TACR3: variants seen among roughly 807,000 people sequenced by gnomAD.
TACR3 encodes tachykinin receptor 3, also known as neuromedin-K receptor.
Under a neutral mutation model 35.0 loss-of-function variants are expected in TACR3, and 34 were observed. The observed-to-expected ratio is 0.97, with a 90% CI of 0.74 to 1.30. TACR3 has a LOEUF of 1.30. Among genes scored for constraint, TACR3 ranks in the 50% most tolerant of loss-of-function variants. The probability of loss-of-function intolerance (pLI) is 0.00; values close to 1 mark genes in which losing one functional copy is unlikely to be tolerated. For missense variants in TACR3, 558 were observed against 591.7 expected, an observed-to-expected ratio of 0.94 and a Z score of 0.59; for synonymous variants, 233 against 221.1, an observed-to-expected ratio of 1.05 and a Z score of -0.48.
At chr4:103,659,223 T>C (rs1054075551) in intron 1 of TACR3, among the ~76,000 whole-genome samples, 6 of 152,212 alleles carry the variant, frequency 3.9e-5, no homozygotes, top group Non-Finnish European at 8.8e-5. Context: ...TACTGGTCCC[T>C]AACCCAGGGA....
In TACR3 at chr4:103,685,221, C is replaced by T. The variant is rs371650688; in HGVS notation, c.549-26818G>A. Among the ~76,000 whole-genome samples the T allele has an allele frequency of 9.9e-5, 15 of 151,764 alleles. No homozygotes were observed. In the East Asian group the frequency reaches 2.7e-3, roughly 28 times the overall value. Reference sequence around the variant, plus strand: ...AGAAACAGATGTACATAAACGTGGCCCACTGATTTTTGTCAATGGTATAAA... The same window carrying T: ...AGAAACAGATGTACATAAACGTGGCTCACTGATTTTTGTCAATGGTATAAA... On this transcript the variant is annotated intron_variant, in intron 1 of 4. Coordinates refer to ENST00000304883, the MANE Select transcript of TACR3 (RefSeq NM_001059.3).
At chr4:103,686,036 G>GT (rs1722225931) in intron 1 of TACR3, among the ~76,000 whole-genome samples, 2 of 152,116 alleles carry the variant, frequency 1.3e-5, no homozygotes, top group African/African-American at 4.8e-5. Context: ...ACAATCAGTG[G>GT]TTAAAACATA....
chr4:103,627,581 CAAG>C (rs1724926501), intron 3 of TACR3, among the ~76,000 whole-genome samples: 2 of 151,988 alleles, frequency 1.3e-5, no homozygotes, highest in South Asian at 4.2e-4. Flanking sequence ...ATCAATTCAT[CAAG>C]AAGAGCTAAC....
chr4:103,692,258 A>T (rs1442945842), intron 1 of TACR3, among the ~76,000 whole-genome samples: 1 of 152,208 alleles, frequency 6.6e-6, no homozygotes, highest in Non-Finnish European at 1.5e-5. Context: ...TAATCAGAAG[A>T]AAAGATTTGC....
chr4:103,676,584 C>G (rs1334873834), intron 1 of TACR3, among the ~76,000 whole-genome samples: 1 of 152,150 alleles, frequency 6.6e-6, no homozygotes, highest in Non-Finnish European at 1.5e-5. Flanking sequence ...ACTATCTGAT[C>G]TTAGACAAAC....
intron 3 of TACR3, among the ~76,000 whole-genome samples, chr4:103,648,787 T>C (rs1293168700): frequency 6.6e-6 from 1 of 152,130 alleles, no homozygotes; most frequent in African/African-American, 2.4e-5. Context: ...ATTTCCTTCC[T>C]TTTGGTTATG....
At chr4:103,688,629 C>G (rs2110215053) in intron 1 of TACR3, among the ~76,000 whole-genome samples, 1 of 150,416 alleles carries the variant, frequency 6.6e-6, no homozygotes, top group Middle Eastern at 3.4e-3. Context: ...ATTTATGCAG[C>G]CAAAAAACAC....
Position 103,656,250 on chromosome 4 carries a change from C to T in TACR3, c.832G>A (p.Glu278Lys), listed in dbSNP as rs770025393. 1.2e-6 allele frequency: 2 copies of T among 1,613,002 alleles called. No homozygotes were observed. Among genetic ancestry groups the T allele is most frequent in the Non-Finnish European group, 1.7e-6 (2 of 1,179,330 alleles). ...TIVGITLWGGEIPGDTCDKYH... is the reference protein window; with the variant it reads ...TIVGITLWGGKIPGDTCDKYH... ...TTGTCACAGGTATCTCCTGGGATTT[C>T]TCCTCCCCAGAGAGTAATTCCAACA... The change falls in exon 3 of 5, where the codon GAA becomes AAA. Residue 278 changes from glutamate to lysine, a missense_variant. Coordinates refer to ENST00000304883, the MANE Select transcript of TACR3 (RefSeq NM_001059.3).
chr4:103,688,585 G>A (rs1274978613), intron 1 of TACR3, among the ~76,000 whole-genome samples: 16 of 138,140 alleles, frequency 1.2e-4, no homozygotes, highest in East Asian at 6.2e-4. Flanking sequence ...AAAAGTGGGC[G>A]AAGGACATGA....
intron 3 of TACR3, among the ~76,000 whole-genome samples, chr4:103,619,558 G>A (rs1724732846): frequency 6.6e-6 from 1 of 152,086 alleles, no homozygotes; most frequent in South Asian, 2.1e-4. Context: ...GTACTATGTT[G>A]AATAGGAGTG....
chr4:103,711,523 C>G (rs567041218), intron 1 of TACR3, among the ~76,000 whole-genome samples: 1 of 152,130 alleles, frequency 6.6e-6, no homozygotes, highest in Admixed American at 6.5e-5. Context: ...TATGACAAAC[C>G]CACAGCACAT....
chr4:103,637,993 T>A (rs1578237786), intron 3 of TACR3, among the ~76,000 whole-genome samples: 1 of 152,102 alleles, frequency 6.6e-6, no homozygotes, highest in African/African-American at 2.4e-5. Flanking sequence ...AGAATCAATA[T>A]CATAAAAAAG....
chr4:103,668,167 C>T (rs900995914), intron 1 of TACR3, among the ~76,000 whole-genome samples: 8 of 152,038 alleles, frequency 5.3e-5, no homozygotes, highest in Non-Finnish European at 1.0e-4. Context: ...ACAGGAGAAC[C>T]TTGGATATGT....
intron 3 of TACR3, among the ~76,000 whole-genome samples, chr4:103,599,759 G>A (rs183428810): frequency 0.016 from 2,486 of 152,178 alleles, 56 homozygotes; most frequent in African/African-American, 0.057. Flanking sequence ...GATTAGATTT[G>A]TTGATTTGCG....
intron 1 of TACR3, among the ~76,000 whole-genome samples, chr4:103,666,436 T>C (rs1302275690): frequency 6.6e-6 from 1 of 152,164 alleles, no homozygotes; most frequent in Non-Finnish European, 1.5e-5. Context: ...TGGTACTGAA[T>C]GAAGCTAGAG....
intron 3 of TACR3, among the ~76,000 whole-genome samples, chr4:103,653,342 C>T (rs1725665053): frequency 1.3e-5 from 2 of 151,752 alleles, no homozygotes; most frequent in Admixed American, 6.6e-5. Flanking sequence ...CCTTTTTGTT[C>T]CCTCTGGGAC....
chr4:103,610,169 T>A (rs1015113149), intron 3 of TACR3, among the ~76,000 whole-genome samples: 3 of 152,104 alleles, frequency 2.0e-5, no homozygotes, highest in African/African-American at 7.2e-5. Flanking sequence ...GTAGTTCTGT[T>A]TTTAATTTTT....
chr4:103,598,306 T>C (rs1347776657), intron 3 of TACR3, among the ~76,000 whole-genome samples: 1 of 152,222 alleles, frequency 6.6e-6, no homozygotes, highest in Non-Finnish European at 1.5e-5. Context: ...GGTTGTTTGT[T>C]TTTTTCTTGT....
intron 3 of TACR3, among the ~76,000 whole-genome samples, chr4:103,640,527 G>T (rs959310219): frequency 6.6e-6 from 1 of 151,736 alleles, no homozygotes; most frequent in African/African-American, 2.4e-5. Flanking sequence ...TTGTTTTCTT[G>T]TTGTTGGTTT....
Sources: allele counts gnomAD v4.1 joint callset (sites outside exome capture counted in the v4.1 genomes callset), GRCh38; gene constraint gnomAD v4.1.1; transcripts MANE v1.5; gene names NCBI Gene and HGNC (gene_info 2026-07-23, HGNC 2026-07-21).